Variants in RBFOX1 observed in about 807,000 individuals in gnomAD.
RBFOX1 encodes the protein RNA binding protein fox-1 homolog 1.
Under a neutral mutation model 57.7 loss-of-function variants are expected in RBFOX1, and 8 were observed. The ratio of observed to expected loss-of-function variants is 0.14; its 90% CI spans 0.08 to 0.25. The LOEUF (loss-of-function observed/expected upper bound fraction) is 0.25. Among genes scored for constraint, RBFOX1 ranks in the 10% least tolerant of loss-of-function variants. RBFOX1 has a pLI of 1.00. For missense variants in RBFOX1, 611 were observed against 548.5 expected (o/e 1.11, Z -1.14); for synonymous variants, 326 against 222.4 (o/e 1.47, Z -4.15).
chr16:6,849,032 A>G (rs1289430262), intron 3 of RBFOX1, among the ~76,000 whole-genome samples: 3 of 152,210 alleles, frequency 2.0e-5, no homozygotes, highest in East Asian at 3.9e-4. Context: ...GGCCAGGCTT[A>G]CGTGTCCCTG....
chr16:7,116,633 G>C (rs1026331437), intron 4 of RBFOX1, among the ~76,000 whole-genome samples: 3 of 152,182 alleles, frequency 2.0e-5, no homozygotes, highest in African/African-American at 7.2e-5. Context: ...AGGGCTGCGG[G>C]AGTTAGAAAA....
At chr16:6,468,703 ATG>A (rs1251716759) in intron 2 of RBFOX1, among the ~76,000 whole-genome samples, 1 of 152,156 alleles carries the variant, frequency 6.6e-6, no homozygotes, top group Non-Finnish European at 1.5e-5. Context: ...AGATTTTTAA[ATG>A]TGTCGTGATT....
chr16:5,805,720 A>G (rs1164000505), intron 3 of RBFOX1, among the ~76,000 whole-genome samples: 3 of 152,198 alleles, frequency 2.0e-5, no homozygotes, highest in African/African-American at 7.2e-5. Context: ...CCTGACATGA[A>G]TGTGGCTTTC....
At chr16:7,384,245 G>A (rs985899269) in intron 4 of RBFOX1, among the ~76,000 whole-genome samples, 1 of 151,740 alleles carries the variant, frequency 6.6e-6, no homozygotes, top group Admixed American at 6.6e-5. Flanking sequence ...GAAAAGCAAG[G>A]AGTATGAAAC....
At chr16:5,763,751 T>C (rs1426047427) in intron 3 of RBFOX1, among the ~76,000 whole-genome samples, 2 of 152,170 alleles carry the variant, frequency 1.3e-5, no homozygotes, top group Non-Finnish European at 2.9e-5. Flanking sequence ...GGTTGCACTT[T>C]AGCCCCAGAG....
At chr16:7,018,371 T>A (rs1270297251) in intron 3 of RBFOX1, among the ~76,000 whole-genome samples, 1 of 152,186 alleles carries the variant, frequency 6.6e-6, no homozygotes, top group Non-Finnish European at 1.5e-5. Context: ...AGTTAGATAC[T>A]TCTTTCTAGA....
chr16:6,761,500 CTTTTTTTTTTTT>C (rs869243278), intron 3 of RBFOX1, among the ~76,000 whole-genome samples: 3 of 60,128 alleles, frequency 5.0e-5, no homozygotes, highest in Admixed American at 3.1e-4. Context: ...TCCCAATCTC[CTTTTTTTTTTTT>C]TTTTTTTTTT....
intron 3 of RBFOX1, among the ~76,000 whole-genome samples, chr16:6,672,278 C>T (rs2098770554): frequency 6.6e-6 from 1 of 151,560 alleles, no homozygotes; most frequent in Non-Finnish European, 1.5e-5. Flanking sequence ...AAATATACAT[C>T]CAATATAAAT....
intron 2 of RBFOX1, among the ~76,000 whole-genome samples, chr16:5,550,287 C>T (rs989792832): frequency 6.6e-6 from 1 of 152,156 alleles, no homozygotes; most frequent in African/African-American, 2.4e-5. Flanking sequence ...CTTTGTTTAC[C>T]TACTGTTAGT....
At chr16:5,647,291 G>C (rs919802032) in intron 3 of RBFOX1, among the ~76,000 whole-genome samples, 1 of 152,192 alleles carries the variant, frequency 6.6e-6, no homozygotes, top group Non-Finnish European at 1.5e-5. Context: ...GCACAGCTGG[G>C]ATTTAGTTCT....
chr16:5,899,144 CAAAAAAA>C (rs35163906), intron 4 of RBFOX1, among the ~76,000 whole-genome samples: 1 of 100,080 alleles, frequency 1.0e-5, no homozygotes, highest in East Asian at 2.8e-4. Context: ...GACCCTGTCT[CAAAAAAA>C]AAAAAAAAAA....
At chr16:7,182,847 A>G (rs896348069) in intron 4 of RBFOX1, among the ~76,000 whole-genome samples, 8 of 152,132 alleles carry the variant, frequency 5.3e-5, no homozygotes, top group East Asian at 3.9e-4. Context: ...TTTTATGGCA[A>G]TTGCATTTTA....
intron 1 of RBFOX1, among the ~76,000 whole-genome samples, chr16:6,056,462 G>A (rs1364778364): frequency 2.0e-5 from 3 of 151,942 alleles, no homozygotes; most frequent in Admixed American, 1.3e-4. Flanking sequence ...ACCCATTTGT[G>A]TTTGAATACT....
intron 4 of RBFOX1, among the ~76,000 whole-genome samples, chr16:7,116,156 C>T (rs1057313586): frequency 2.6e-5 from 4 of 152,130 alleles, no homozygotes; most frequent in African/African-American, 9.7e-5. Flanking sequence ...TTCTCCGTGT[C>T]ATGCACTGCA....
At chr16:7,000,586 C>CTTTTTTTTTTTTTTTTTTTTTTTTTTTT (rs149516490) in intron 3 of RBFOX1, among the ~76,000 whole-genome samples, 1 of 95,846 alleles carries the variant, frequency 1.0e-5, no homozygotes, top group African/African-American at 3.4e-5. Flanking sequence ...TTTTTTCTTT[C>CTTTTTTTTTTTTTTTTTTTTTTTTTTTT]TTTTTCTTTC....
intron 2 of RBFOX1, among the ~76,000 whole-genome samples, chr16:5,577,133 G>T (rs2046483519): frequency 6.6e-6 from 1 of 152,160 alleles, no homozygotes; most frequent in East Asian, 1.9e-4. Flanking sequence ...CTATCCCTCG[G>T]AGCCCCATGT....
intron 3 of RBFOX1, among the ~76,000 whole-genome samples, chr16:5,862,309 G>A (rs768215256): frequency 2.0e-5 from 3 of 152,182 alleles, no homozygotes; most frequent in Admixed American, 2.0e-4. Context: ...AAGCCTTCCC[G>A]GTCCGGCACC....
Position 7,402,664 on chromosome 16 carries a change from T to C in RBFOX1, c.28-115483T>C, listed in dbSNP as rs372253241. Reference sequence around the variant, plus strand: ...ATATGAGACTCCCCTCTGTTAATTATGCTGTTTCAGATGAGCCTAATTGGA... The same window carrying C: ...ATATGAGACTCCCCTCTGTTAATTACGCTGTTTCAGATGAGCCTAATTGGA... On this transcript the variant is annotated intron_variant, in intron 4 of 15. Transcript: ENST00000550418. 2.2e-4 allele frequency among the ~76,000 whole-genome samples: 34 copies of C among 152,344 alleles called. 1 individual carries two copies. In the South Asian group the frequency reaches 6.6e-3, roughly 30 times the overall value.
chr16:7,486,795 AG>A (rs1308434967), intron 4 of RBFOX1, among the ~76,000 whole-genome samples: 1 of 152,208 alleles, frequency 6.6e-6, no homozygotes, highest in Non-Finnish European at 1.5e-5. Flanking sequence ...TGCAATAGTC[AG>A]GGTTCCAACA....
Sources: allele counts gnomAD v4.1 joint callset (sites outside exome capture counted in the v4.1 genomes callset), GRCh38; gene constraint gnomAD v4.1.1; transcripts MANE v1.5; gene names NCBI Gene and HGNC (gene_info 2026-07-23, HGNC 2026-07-21).